The following MAN1C1 variants were observed in gnomAD, a reference collection of about 807,000 sequenced individuals.
MAN1C1 encodes the protein mannosyl-oligosaccharide 1,2-alpha-mannosidase IC.
MAN1C1 carries 49 observed loss-of-function variants against 71.5 expected under a neutral mutation model. The observed-to-expected ratio is 0.69, with a 90% CI of 0.54 to 0.87. MAN1C1 has a LOEUF of 0.87. Among genes scored for constraint, MAN1C1 ranks in the 40% least tolerant of loss-of-function variants. The pLI is 0.00. For synonymous variants in MAN1C1, 352 were observed against 343.7 expected (o/e 1.02, Z -0.27); for missense variants, 743 against 835.0 (o/e 0.89, Z 1.36).
chr1:25,653,118 C>T (rs1449700357), intron 1 of MAN1C1, among the ~76,000 whole-genome samples: 1 of 151,810 alleles, frequency 6.6e-6, no homozygotes, highest in South Asian at 2.1e-4. Context: ...CTCACTGTTT[C>T]CCAGGCTGCA....
In MAN1C1 at chr1:25,617,071, A is replaced by G. The variant is rs1266860499; in HGVS notation, c.-727A>G. On this transcript the variant is annotated 5_prime_UTR_variant, in exon 1 of 12. Coordinates refer to ENST00000374332, the MANE Select transcript of MAN1C1 (RefSeq NM_020379.4). The surrounding 1 kb of genome is among the most constrained non-coding windows in gnomAD (Gnocchi z 5.1). ...TGCAGCCGCCCAGCCGCGGCTCCGG[A>G]CCCAGGCATCCCTGCGCTGTCTGGG... Among the ~76,000 whole-genome samples the G allele has an allele frequency of 6.6e-6, 1 of 151,690 alleles. No homozygotes were observed. Among genetic ancestry groups the G allele is most frequent in the African/African-American group, 2.4e-5 (1 of 41,316 alleles).
chr1:25,655,499 T>C (rs1416786692), intron 1 of MAN1C1, among the ~76,000 whole-genome samples: 1 of 152,218 alleles, frequency 6.6e-6, no homozygotes, highest in Non-Finnish European at 1.5e-5. Flanking sequence ...TTTCCTTGGC[T>C]TCAAGGGAGT....
At chr1:25,719,368 C>T (rs1257662987) in intron 2 of MAN1C1, among the ~76,000 whole-genome samples, 1 of 149,132 alleles carries the variant, frequency 6.7e-6, no homozygotes, top group African/African-American at 2.5e-5. Context: ...CCACTGTGCC[C>T]AGCCCCAATA....
chr1:25,767,178 C>G (rs1198823168), intron 7 of MAN1C1, among the ~76,000 whole-genome samples: 1 of 129,142 alleles, frequency 7.7e-6, no homozygotes. Context: ...CCCTACCACC[C>G]CACCCACCCT....
intron 2 of MAN1C1, among the ~76,000 whole-genome samples, chr1:25,738,102 G>A (rs1252091958): frequency 6.6e-6 from 1 of 151,746 alleles, no homozygotes; most frequent in Non-Finnish European, 1.5e-5. Context: ...CCTCCAGTAA[G>A]AGCATTCTAT....
At chr1:25,770,083 C>T (rs565728285) in intron 7 of MAN1C1, among the ~76,000 whole-genome samples, 10 of 152,240 alleles carry the variant, frequency 6.6e-5, no homozygotes, top group African/African-American at 7.2e-5. Flanking sequence ...CCAGCCTCCC[C>T]GGCCCCTCCT....
chr1:25,731,097 G>A (rs547299913), intron 2 of MAN1C1, among the ~76,000 whole-genome samples: 3 of 152,306 alleles, frequency 2.0e-5, no homozygotes, highest in Non-Finnish European at 2.9e-5. Flanking sequence ...TGGACAGACC[G>A]CCTGAGCCCA....
intron 1 of MAN1C1, among the ~76,000 whole-genome samples, chr1:25,636,089 C>T (rs751508230): frequency 2.4e-4 from 37 of 152,184 alleles, no homozygotes; most frequent in Non-Finnish European, 5.3e-4. Context: ...ACAAAGATCA[C>T]ATGCTTCAAA....
chr1:25,622,909 G>A (rs1260907187), intron 1 of MAN1C1, among the ~76,000 whole-genome samples: 1 of 152,148 alleles, frequency 6.6e-6, no homozygotes, highest in Non-Finnish European at 1.5e-5. Context: ...CTAGTGCCAG[G>A]GACAGGTAGG....
chr1:25,767,018 C>T (rs144201625), intron 7 of MAN1C1, among the ~76,000 whole-genome samples: 3 of 152,062 alleles, frequency 2.0e-5, no homozygotes, highest in Non-Finnish European at 4.4e-5. Context: ...CCCCTTCACA[C>T]ATCTGCAGAT....
intron 2 of MAN1C1, among the ~76,000 whole-genome samples, chr1:25,744,694 AG>A (rs374845330): frequency 2.5e-4 from 38 of 152,174 alleles, no homozygotes; most frequent in African/African-American, 7.9e-4. Context: ...TGCCCAGCCT[AG>A]AGAGGTGGTT....
chr1:25,780,826 ACACACCTGACAT>A, intron 9 of MAN1C1, 102 bp from the exon 10 acceptor site: 1 of 1,109,934 alleles, frequency 9.0e-7, no homozygotes, highest in Non-Finnish European at 1.3e-6. Context: ...CCACACCCAC[ACACACCTGACAT>A]CACCCTGGCC....
intron 2 of MAN1C1, among the ~76,000 whole-genome samples, chr1:25,718,264 C>G (rs1456040192): frequency 6.6e-6 from 1 of 152,134 alleles, no homozygotes; most frequent in Non-Finnish European, 1.5e-5. Context: ...CCTGTGTAAA[C>G]CTCCTCACAG....
At chr1:25,748,067 C>T (rs2047161716) in intron 3 of MAN1C1, among the ~76,000 whole-genome samples, 4 of 152,002 alleles carry the variant, frequency 2.6e-5, no homozygotes, top group African/African-American at 7.3e-5. Flanking sequence ...GAAGGAGTGT[C>T]CCCATAGGCC....
chr1:25,774,773 G>A (rs780952380), intron 8 of MAN1C1, among the ~76,000 whole-genome samples: 2 of 151,958 alleles, frequency 1.3e-5, no homozygotes, highest in Non-Finnish European at 1.5e-5. Context: ...CACTGCCTAT[G>A]GGTTAGCCCT....
At chr1:25,698,933 G>A (rs2046401497) in intron 2 of MAN1C1, among the ~76,000 whole-genome samples, 1 of 145,748 alleles carries the variant, frequency 6.9e-6, no homozygotes, top group Non-Finnish European at 1.5e-5. Flanking sequence ...GGGAGACAGA[G>A]CAAGACTCTG....
In MAN1C1 at chr1:25,724,114, C is replaced by T. The variant is rs560597510; in HGVS notation, c.638-22554C>T. On this transcript the variant is annotated intron_variant, in intron 2 of 11. Transcript: ENST00000374332. The stretch of plus-strand genomic sequence containing the variant: ...CACAATCTCGGCTCGCTGCAACCTC[C>T]GCCTCCCGGGTTCAAGCGATTCTCC... Among the ~76,000 whole-genome samples the T allele has an allele frequency of 4.1e-4, 62 of 151,864 alleles. No homozygotes were observed. The South Asian group carries it at 0.01, about 25-fold the overall frequency.
intron 2 of MAN1C1, among the ~76,000 whole-genome samples, chr1:25,724,015 C>T (rs1223524909): frequency 4.6e-5 from 7 of 151,320 alleles, no homozygotes; most frequent in Admixed American, 1.3e-4. Context: ...GCAGGCCAAA[C>T]GACTGCCTAC....
intron 1 of MAN1C1, among the ~76,000 whole-genome samples, chr1:25,675,774 A>G (rs2046058438): frequency 6.6e-6 from 1 of 152,150 alleles, no homozygotes; most frequent in African/African-American, 2.4e-5. Flanking sequence ...AGCACATATT[A>G]TATACGAGCC....
Sources: gnomAD v4.1 joint callset for allele counts (sites outside exome capture counted in the v4.1 genomes callset) on GRCh38, gnomAD v4.1.1 for gene constraint, Gnocchi (gnomAD v3.1) non-coding constraint, MANE v1.5 for transcripts, NCBI Gene and HGNC (gene_info 2026-07-23, HGNC 2026-07-21) for gene names.